The following MACROD2 variants were observed in gnomAD, a reference collection of about 807,000 sequenced individuals.
The protein encoded by MACROD2 is mono-ADP ribosylhydrolase 2.
A neutral mutation model predicts 70.4 loss-of-function variants in MACROD2; 36 were observed. That is an observed-to-expected ratio of 0.51 (90% CI 0.39 to 0.68). MACROD2 has a LOEUF of 0.68. Among genes scored for constraint, MACROD2 ranks in the 30% least tolerant of loss-of-function variants. The pLI, the probability that MACROD2 is intolerant of heterozygous loss-of-function variation, is 0.00. For missense variants in MACROD2, 496 were observed against 538.4 expected, an observed-to-expected ratio of 0.92 and a Z score of 0.78; for synonymous variants, 172 against 178.8, an observed-to-expected ratio of 0.96 and a Z score of 0.30.
chr20:15,638,027 CA>C (rs970908920), intron 8 of MACROD2, among the ~76,000 whole-genome samples: 3 of 150,654 alleles, frequency 2.0e-5, no homozygotes, highest in Admixed American at 1.3e-4. Flanking sequence ...CAGGAAGGCC[CA>C]GAATTTTTTT....
intron 5 of MACROD2, among the ~76,000 whole-genome samples, chr20:15,133,130 C>T (rs1450200747): frequency 6.6e-6 from 1 of 151,902 alleles, no homozygotes; most frequent in African/African-American, 2.4e-5. Context: ...TACTTAGAAT[C>T]TTGGCAGAGG....
At chr20:15,047,558 G>A (rs537372331) in intron 5 of MACROD2, among the ~76,000 whole-genome samples, 1 of 152,290 alleles carries the variant, frequency 6.6e-6, no homozygotes, top group African/African-American at 2.4e-5. Context: ...GATCTATGTA[G>A]TTTTAATAAT....
rs869080087 is a variant in MACROD2, at chr20:15,340,130, C to CTT, written c.541-91250_541-91249dup. ...TTCTTTTTTCTTTCTTTCTTTCTTT[C>CTT]TTTTTTTTTTTTTTTTTTTTTTTTT... On this transcript the variant is annotated intron_variant, in intron 6 of 17. Coordinates refer to ENST00000684519, the MANE Select transcript of MACROD2 (RefSeq NM_001351661.2). 2.0e-3 allele frequency among the ~76,000 whole-genome samples: 77 copies of CTT among 39,302 alleles called. 1 individual carries two copies. The highest frequency in any genetic ancestry group is 2.5e-3 in the African/African-American group (23 of 9,066). 25.8% of individuals were successfully genotyped at this position (39,302 alleles called of 152,430 possible).
At chr20:15,762,698 C>G (rs2051455500) in intron 8 of MACROD2, among the ~76,000 whole-genome samples, 1 of 152,312 alleles carries the variant, frequency 6.6e-6, no homozygotes, top group East Asian at 1.9e-4. Flanking sequence ...CCTGGCCAGT[C>G]TGCTAGTCCC....
intron 4 of MACROD2, among the ~76,000 whole-genome samples, chr20:14,527,879 AAT>A (rs1208121204): frequency 5.3e-5 from 8 of 152,280 alleles, no homozygotes; most frequent in African/African-American, 1.4e-4. Flanking sequence ...CTTAAAGGTC[AAT>A]TATTTCAACC....
intron 5 of MACROD2, among the ~76,000 whole-genome samples, chr20:14,967,620 A>T (rs2074650750): frequency 6.6e-6 from 1 of 152,140 alleles, no homozygotes; most frequent in Non-Finnish European, 1.5e-5. Context: ...TACAAATTAG[A>T]CTTAAATGTA....
intron 8 of MACROD2, among the ~76,000 whole-genome samples, chr20:15,838,448 G>A (rs746173256): frequency 9.9e-5 from 15 of 152,108 alleles, no homozygotes; most frequent in Admixed American, 9.2e-4. Context: ...AGCTTTTTCT[G>A]GATTGCACAC....
intron 9 of MACROD2, among the ~76,000 whole-genome samples, chr20:15,877,958 A>AT (rs1160552368): frequency 1.3e-5 from 2 of 151,962 alleles, no homozygotes; most frequent in Non-Finnish European, 1.5e-5. Flanking sequence ...GTGTCTGTCC[A>AT]TTTTTTTCCC....
At chr20:14,853,280 A>T (rs976218149) in intron 5 of MACROD2, among the ~76,000 whole-genome samples, 14 of 151,944 alleles carry the variant, frequency 9.2e-5, no homozygotes, top group Non-Finnish European at 1.8e-4. Context: ...ATTAGGCCAG[A>T]GGAAGTGGGT....
chr20:14,060,610 G>A (rs549863393), intron 2 of MACROD2, among the ~76,000 whole-genome samples: 3 of 152,038 alleles, frequency 2.0e-5, no homozygotes, highest in Admixed American at 6.5e-5. Context: ...TGGAGGATGG[G>A]GGAGATTCGT....
At chr20:14,512,753 C>T (rs559649609) in intron 4 of MACROD2, among the ~76,000 whole-genome samples, 6 of 152,094 alleles carry the variant, frequency 3.9e-5, no homozygotes, top group Admixed American at 6.6e-5. Flanking sequence ...ATTATGCAGT[C>T]GCTGGAGGTG....
intron 3 of MACROD2, among the ~76,000 whole-genome samples, chr20:14,220,125 G>T (rs892509440): frequency 6.6e-6 from 1 of 152,118 alleles, no homozygotes; most frequent in Non-Finnish European, 1.5e-5. Context: ...CCACTACCAG[G>T]GTGGGTAGGA....
chr20:15,899,867 A>G (rs2065038321), intron 10 of MACROD2, among the ~76,000 whole-genome samples: 1 of 152,192 alleles, frequency 6.6e-6, no homozygotes, highest in Non-Finnish European at 1.5e-5. Flanking sequence ...GGAAACTAGA[A>G]AGCACTATGC....
chr20:14,943,037 C>T (rs547554750), intron 5 of MACROD2, among the ~76,000 whole-genome samples: 6 of 152,268 alleles, frequency 3.9e-5, no homozygotes, highest in African/African-American at 1.2e-4. Context: ...ACAGCTGTTT[C>T]TAACCTCTTT....
chr20:14,332,224 G>A (rs1170421810), intron 3 of MACROD2, among the ~76,000 whole-genome samples: 1 of 151,918 alleles, frequency 6.6e-6, no homozygotes, highest in African/African-American at 2.4e-5. Flanking sequence ...CATTTATAAT[G>A]TAATCATCAA....
intron 15 of MACROD2, among the ~76,000 whole-genome samples, chr20:15,996,740 A>C (rs1324606366): frequency 1.3e-5 from 2 of 151,438 alleles, no homozygotes; most frequent in Non-Finnish European, 2.9e-5. Context: ...TGCTTTTTTC[A>C]CTTGTGCTTT....
intron 5 of MACROD2, among the ~76,000 whole-genome samples, chr20:15,040,559 G>GC (rs2075348273): frequency 2.1e-5 from 1 of 48,262 alleles, no homozygotes; most frequent in African/African-American, 1.6e-4. Context: ...AAGGTGAGGA[G>GC]TGTCTTCAGG....
intron 10 of MACROD2, among the ~76,000 whole-genome samples, chr20:15,911,539 G>A (rs2065237463): frequency 6.6e-6 from 1 of 151,164 alleles, no homozygotes; most frequent in Non-Finnish European, 1.5e-5. Flanking sequence ...GAAGACTGGA[G>A]GTGTGGAGAG....
intron 7 of MACROD2, among the ~76,000 whole-genome samples, chr20:15,497,344 G>A (rs1469353524): frequency 6.6e-6 from 1 of 151,890 alleles, no homozygotes; most frequent in East Asian, 1.9e-4. Flanking sequence ...CCAGGCTGGA[G>A]TGCAGTGGCA....
Sources: allele counts gnomAD v4.1 joint callset (sites outside exome capture counted in the v4.1 genomes callset), GRCh38; gene constraint gnomAD v4.1.1; transcripts MANE v1.5; gene names NCBI Gene and HGNC (gene_info 2026-07-23, HGNC 2026-07-21).